The following RIPOR2 variants were observed in gnomAD, a reference collection of about 807,000 sequenced individuals.
RIPOR2 encodes rho family-interacting cell polarization regulator 2.
Under a neutral mutation model 114.5 loss-of-function variants are expected in RIPOR2, and 39 were observed. The ratio of observed to expected loss-of-function variants is 0.34; its 90% CI spans 0.26 to 0.44. The LOEUF is 0.44. Ranked by LOEUF, RIPOR2 falls within the 20% of genes least tolerant of loss-of-function variation. The probability of loss-of-function intolerance (pLI) is 1.00; values close to 1 mark genes in which losing one functional copy is unlikely to be tolerated. For missense variants in RIPOR2, 1,007 were observed against 1,255.1 expected (o/e 0.80, Z 2.99); for synonymous variants, 445 against 484.4 (o/e 0.92, Z 1.07).
Position 24,883,732 on chromosome 6 carries a change from A to C in RIPOR2, c.62-7915T>G, listed in dbSNP as rs1766555065. Among the ~76,000 whole-genome samples the C allele has an allele frequency of 6.6e-6, 1 of 152,244 alleles. No homozygotes were observed. Among genetic ancestry groups the C allele is most frequent in the African/African-American group, 2.4e-5 (1 of 41,470 alleles). On this transcript the variant is annotated intron_variant, in intron 1 of 21. Transcript: ENST00000643898. The surrounding 1 kb of genome is among the most constrained non-coding windows in gnomAD (Gnocchi z 4.1). ...GGAAAAGCTGAATCAGTAAGCAACC[A>C]GCTGAGAGTTGCTTTCGTGATTTGA...
intron 1 of RIPOR2, chr6:25,041,700 A>T: frequency 1.7e-6 from 1 of 588,492 alleles, no homozygotes; most frequent in South Asian, 2.1e-5. Flanking sequence ...AAAAATACCA[A>T]AGTCCATTGG....
chr6:24,806,475 T>C lies in RIPOR2; in HGVS notation c.3044-2A>G. Reference sequence around the variant, plus strand: ...CATATGCCAGCCGCCCATCTTCTCCTAAATACAGAACATTAAACATGAATA... The same window carrying C: ...CATATGCCAGCCGCCCATCTTCTCCCAAATACAGAACATTAAACATGAATA... On this transcript the variant is annotated splice_acceptor_variant, in intron 21 of 21. Transcript: ENST00000643898. LOFTEE classifies it high-confidence loss of function. 1 of 1,545,426 alleles carries C rather than the reference T, an allele frequency of 6.5e-7. No individual in the cohort carries two copies. The highest frequency in any genetic ancestry group is 8.8e-7 in the Non-Finnish European group (1 of 1,142,310).
intron 1 of RIPOR2, among the ~76,000 whole-genome samples, chr6:24,943,079 C>G (rs568813970): frequency 6.6e-4 from 101 of 152,252 alleles, no homozygotes; most frequent in African/African-American, 1.9e-3. Flanking sequence ...TACCAAAGAC[C>G]TGGAACCAAG....
chr6:24,891,760 A>AGCTC (rs1562319625), intron 1 of RIPOR2, among the ~76,000 whole-genome samples: 2 of 152,056 alleles, frequency 1.3e-5, no homozygotes, highest in African/African-American at 4.8e-5. Flanking sequence ...AATCACACCA[A>AGCTC]GCTCTCACTT....
chr6:24,855,814 A>C (rs767452435), intron 8 of RIPOR2, among the ~76,000 whole-genome samples: 5 of 152,156 alleles, frequency 3.3e-5, no homozygotes, highest in Non-Finnish European at 7.4e-5. Context: ...CAGTAGGATC[A>C]CTTGAGCCCA....
intron 3 of RIPOR2, among the ~76,000 whole-genome samples, chr6:24,873,389 A>G (rs937052781): frequency 2.6e-5 from 4 of 152,176 alleles, no homozygotes; most frequent in Non-Finnish European, 5.9e-5. Flanking sequence ...TCTAGAATGG[A>G]TATGTCTGTC....
At chr6:24,965,269 C>A (rs1773477260) in intron 1 of RIPOR2, among the ~76,000 whole-genome samples, 1 of 152,082 alleles carries the variant, frequency 6.6e-6, no homozygotes, top group East Asian at 1.9e-4. Context: ...TCATGAGTAG[C>A]TAGGACTACA....
chr6:24,949,663 A>G (rs1271375024), intron 1 of RIPOR2, among the ~76,000 whole-genome samples: 1 of 152,222 alleles, frequency 6.6e-6, no homozygotes, highest in Non-Finnish European at 1.5e-5. Context: ...TTATATTCCC[A>G]TCTTCTAATA....
At chr6:24,821,689 G>A (rs754923730) in intron 19 of RIPOR2, among the ~76,000 whole-genome samples, 71 of 152,202 alleles carry the variant, frequency 4.7e-4, no homozygotes, top group Non-Finnish European at 7.8e-4. Flanking sequence ...GCCAAAAGGG[G>A]AGGAAATAAG....
rs575906760 is a variant in RIPOR2 at position 24,832,791 on chromosome 6, G to T, written c.2209-400C>A. On this transcript the variant is annotated intron_variant, in intron 15 of 21. Transcript: ENST00000643898. The stretch of plus-strand genomic sequence containing the variant: ...TTTTTCACAGCATGGTTTTATTTTT[G>T]TGTGTGTGTTCAAGCTGAAAGTTAA... 1.4e-4 allele frequency among the ~76,000 whole-genome samples: 22 copies of T among 152,274 alleles called. No homozygotes were observed. In the South Asian group the frequency reaches 3.9e-3, roughly 27 times the overall value.
At chr6:24,937,153 G>A (rs891869513), upstream of RIPOR2, among the ~76,000 whole-genome samples, 1 of 152,332 alleles carries the variant, frequency 6.6e-6, no homozygotes, top group African/African-American at 2.4e-5. Context: ...ATTGGTGGCT[G>A]CAGCAGTTCC....
chr6:24,832,557 A>G (rs1760770998), intron 15 of RIPOR2, among the ~76,000 whole-genome samples, 166 bp from the exon 16 acceptor site: 1 of 152,212 alleles, frequency 6.6e-6, no homozygotes, highest in Non-Finnish European at 1.5e-5. Context: ...ACAACATCTG[A>G]TGAAATCAGG....
At chr6:24,950,277 C>T (rs184721894) in intron 1 of RIPOR2, among the ~76,000 whole-genome samples, 2 of 152,240 alleles carry the variant, frequency 1.3e-5, no homozygotes, top group Non-Finnish European at 2.9e-5. Flanking sequence ...CTTGCTTGGG[C>T]CAGATCACTC....
intron 1 of RIPOR2, among the ~76,000 whole-genome samples, chr6:24,961,871 C>T (rs561540647): frequency 1.1e-4 from 16 of 152,250 alleles, no homozygotes; most frequent in African/African-American, 3.9e-4. Flanking sequence ...AGGTAATCTG[C>T]CCGTCTTGGC....
At chr6:24,928,219 G>A (rs1014966975) in intron 1 of RIPOR2, among the ~76,000 whole-genome samples, 3 of 152,152 alleles carry the variant, frequency 2.0e-5, no homozygotes, top group Non-Finnish European at 4.4e-5. Context: ...CAAGTTGAAG[G>A]AGAAGAGTTT....
intron 1 of RIPOR2, among the ~76,000 whole-genome samples, chr6:24,980,466 G>A (rs185520302): frequency 2.0e-5 from 3 of 152,154 alleles, no homozygotes; most frequent in Non-Finnish European, 4.4e-5. Context: ...TTTTAGAATA[G>A]TACTGTGTAT....
intron 1 of RIPOR2, among the ~76,000 whole-genome samples, chr6:25,000,644 C>CT (rs112291328): frequency 4.8e-5 from 7 of 146,862 alleles, no homozygotes; most frequent in African/African-American, 1.2e-4. Flanking sequence ...CTGCTTTTTC[C>CT]TTTTTTTTTT....
At chr6:24,946,169 A>T (rs143238263) in intron 1 of RIPOR2, among the ~76,000 whole-genome samples, 1 of 151,352 alleles carries the variant, frequency 6.6e-6, no homozygotes, top group African/African-American at 2.4e-5. Context: ...TGCAACCTCC[A>T]CCTCCTGGGT....
At chr6:24,930,710 G>A (rs929809145) in intron 1 of RIPOR2, among the ~76,000 whole-genome samples, 1 of 152,204 alleles carries the variant, frequency 6.6e-6, no homozygotes, top group Non-Finnish European at 1.5e-5. Flanking sequence ...AGTAGGGAAA[G>A]TGACTTCCAA....
Sources: gnomAD v4.1 joint callset for allele counts (sites outside exome capture counted in the v4.1 genomes callset) on GRCh38, gnomAD v4.1.1 for gene constraint, Gnocchi (gnomAD v3.1) non-coding constraint, MANE v1.5 for transcripts, NCBI Gene and HGNC (gene_info 2026-07-23, HGNC 2026-07-21) for gene names.